Variants in NKAIN2 observed in about 807,000 individuals in gnomAD.
NKAIN2 encodes sodium/potassium-transporting ATPase subunit beta-1-interacting protein 2.
In NKAIN2, 14 loss-of-function variants were observed where a neutral mutation model predicts 32.6. The observed-to-expected ratio is 0.43, with a 90% confidence interval of 0.28 to 0.67. The LOEUF is 0.67. Ranked by LOEUF, NKAIN2 falls within the 30% of genes least tolerant of loss-of-function variation. NKAIN2 has a pLI of 0.17. For missense variants in NKAIN2, 198 were observed against 258.3 expected, an observed-to-expected ratio of 0.77 and a Z score of 1.60; for synonymous variants, 80 against 87.2, an observed-to-expected ratio of 0.92 and a Z score of 0.46.
At chr6:123,859,142 C>A (rs1931218) in intron 1 of NKAIN2, among the ~76,000 whole-genome samples, 36,167 of 151,948 alleles carry the variant, frequency 0.24, 4,661 homozygotes, top group East Asian at 0.44. Flanking sequence ...CAATTAGCTC[C>A]TTTTTTTGGA....
At chr6:123,943,325 T>G (rs1776907786) in intron 1 of NKAIN2, among the ~76,000 whole-genome samples, 1 of 152,096 alleles carries the variant, frequency 6.6e-6, no homozygotes, top group Admixed American at 6.6e-5. Flanking sequence ...ACAGCTTGTT[T>G]TCACCCTAAA....
At chr6:124,025,572 GT>G (rs1033426136) in intron 1 of NKAIN2, among the ~76,000 whole-genome samples, 5 of 152,110 alleles carry the variant, frequency 3.3e-5, no homozygotes, top group African/African-American at 1.2e-4. Flanking sequence ...TGGTCAAAGG[GT>G]ACAAAGTTCC....
intron 1 of NKAIN2, among the ~76,000 whole-genome samples, chr6:123,842,571 A>C (rs1257409159): frequency 2.0e-5 from 3 of 152,168 alleles, no homozygotes; most frequent in Non-Finnish European, 4.4e-5. Flanking sequence ...CAGTATATAA[A>C]TAATAAGATT....
chr6:124,008,194 C>A (rs1780163151), intron 1 of NKAIN2, among the ~76,000 whole-genome samples: 1 of 152,160 alleles, frequency 6.6e-6, no homozygotes, highest in South Asian at 2.1e-4. Flanking sequence ...TCAGATACTT[C>A]CAGTGGTGTC....
intron 1 of NKAIN2, among the ~76,000 whole-genome samples, chr6:124,040,057 G>A (rs1355322453): frequency 6.6e-6 from 1 of 151,502 alleles, no homozygotes; most frequent in East Asian, 1.9e-4. Flanking sequence ...TTTATTACAA[G>A]TGGTTTGTTT....
At chr6:124,328,724 G>A (rs1015109498) in intron 2 of NKAIN2, among the ~76,000 whole-genome samples, 1 of 152,138 alleles carries the variant, frequency 6.6e-6, no homozygotes, top group Non-Finnish European at 1.5e-5. Flanking sequence ...GGAATGGTAA[G>A]CAGGCGTTTG....
intron 1 of NKAIN2, among the ~76,000 whole-genome samples, chr6:123,956,070 A>C (rs1200307835): frequency 1.3e-5 from 2 of 152,240 alleles, no homozygotes. Context: ...CTACATTTAA[A>C]CATCAATATT....
chr6:123,996,436 A>G (rs931115257), intron 1 of NKAIN2, among the ~76,000 whole-genome samples: 2 of 151,730 alleles, frequency 1.3e-5, no homozygotes, highest in African/African-American at 4.8e-5. Flanking sequence ...AGTTTCCTTG[A>G]TAGTTGGAAA....
At chr6:123,894,212 G>C (rs929423587) in intron 1 of NKAIN2, among the ~76,000 whole-genome samples, 2 of 152,068 alleles carry the variant, frequency 1.3e-5, no homozygotes. Flanking sequence ...GAGCTGTCCT[G>C]TTCATGGCTG....
intron 1 of NKAIN2, among the ~76,000 whole-genome samples, chr6:123,961,899 A>G (rs1777868238): frequency 6.6e-6 from 1 of 152,186 alleles, no homozygotes; most frequent in African/African-American, 2.4e-5. Context: ...ATAAATTTAT[A>G]GCATAGTGGG....
At chr6:124,480,230 G>A (rs1448960431) in intron 3 of NKAIN2, among the ~76,000 whole-genome samples, 1 of 151,976 alleles carries the variant, frequency 6.6e-6, no homozygotes, top group Non-Finnish European at 1.5e-5. Flanking sequence ...CACATTGAGA[G>A]GCATTTCATT....
At chr6:124,529,473 G>A (rs999296467) in intron 3 of NKAIN2, among the ~76,000 whole-genome samples, 1 of 152,112 alleles carries the variant, frequency 6.6e-6, no homozygotes, top group Non-Finnish European at 1.5e-5. Flanking sequence ...GTCTCATTGG[G>A]GTGACTAGAG....
chr6:123,824,187 G>A (rs1463706333), intron 1 of NKAIN2, among the ~76,000 whole-genome samples: 1 of 152,078 alleles, frequency 6.6e-6, no homozygotes, highest in African/African-American at 2.4e-5. Context: ...AAAGTAAGTG[G>A]AAGAGGCCCC....
intron 1 of NKAIN2, among the ~76,000 whole-genome samples, chr6:124,207,044 AATTATAT>A (rs1460634633): frequency 6.6e-6 from 1 of 151,392 alleles, no homozygotes; most frequent in Non-Finnish European, 1.5e-5. Flanking sequence ...TTATGTATAT[AATTATAT>A]ATTATATAAT....
intron 1 of NKAIN2, among the ~76,000 whole-genome samples, chr6:123,975,061 A>G (rs1477654888): frequency 6.6e-6 from 1 of 152,168 alleles, no homozygotes; most frequent in African/African-American, 2.4e-5. Flanking sequence ...GTAAAACTTT[A>G]TAGATAGAAG....
intron 2 of NKAIN2, among the ~76,000 whole-genome samples, chr6:124,289,619 A>G (rs558594991): frequency 1.3e-5 from 2 of 152,160 alleles, no homozygotes; most frequent in African/African-American, 4.8e-5. Context: ...AGAATTTACT[A>G]TTTGCTGATA....
intron 5 of NKAIN2, among the ~76,000 whole-genome samples, chr6:124,809,811 A>C (rs967258939): frequency 6.6e-6 from 1 of 152,186 alleles, no homozygotes; most frequent in African/African-American, 2.4e-5. Context: ...ACCCCATCAA[A>C]AAGTGGGCGA....
chr6:124,157,480 A>G (rs937679683), intron 1 of NKAIN2, among the ~76,000 whole-genome samples: 7 of 152,204 alleles, frequency 4.6e-5, no homozygotes, highest in African/African-American at 1.7e-4. Context: ...TTATTTTGAA[A>G]CATGGTGAAG....
At chr6:123,853,345 A>G (rs1443893493) in intron 1 of NKAIN2, among the ~76,000 whole-genome samples, 1 of 152,228 alleles carries the variant, frequency 6.6e-6, no homozygotes, top group Non-Finnish European at 1.5e-5. Context: ...ACAAATCTAC[A>G]ATAGAAAAAT....
Sources: allele counts gnomAD v4.1 joint callset (sites outside exome capture counted in the v4.1 genomes callset), GRCh38; gene constraint gnomAD v4.1.1; transcripts MANE v1.5; gene names NCBI Gene and HGNC (gene_info 2026-07-23, HGNC 2026-07-21).